B4GALNT2: variants seen among roughly 807,000 people sequenced by gnomAD.
The protein encoded by B4GALNT2 is N-acetylneuraminylgalactosylglucosyl-glucoside beta-1,4-N- acetylgalactosaminyltransferase 2.
In B4GALNT2, 42 loss-of-function variants were observed where a neutral mutation model predicts 51.1. That is an observed-to-expected ratio of 0.82 (90% CI 0.64 to 1.06). The LOEUF is 1.06. B4GALNT2 is among the 50% of genes least tolerant of loss of function. B4GALNT2 has a pLI of 0.00. For missense variants in B4GALNT2, 602 were observed against 633.6 expected (o/e 0.95, Z 0.54); for synonymous variants, 253 against 251.7 (o/e 1.01, Z -0.05).
intron 3 of B4GALNT2, among the ~76,000 whole-genome samples, chr17:49,150,215 G>A (rs866414211): frequency 2.8e-4 from 29 of 103,610 alleles, no homozygotes; most frequent in African/African-American, 9.9e-4. Context: ...TCAGCCCCCC[G>A]CCCGGCCAGC....
chr17:49,146,717 G>A (rs563386477), intron 3 of B4GALNT2, among the ~76,000 whole-genome samples: 1 of 152,302 alleles, frequency 6.6e-6, no homozygotes, highest in Non-Finnish European at 1.5e-5. Flanking sequence ...GGCTCCTTAA[G>A]GTGGGAATGT....
At chr17:49,166,276 C>T (rs1438999472) in intron 9 of B4GALNT2, 22 bp downstream of exon 9, 1 of 1,607,978 alleles carries the variant, frequency 6.2e-7, no homozygotes, top group Non-Finnish European at 8.5e-7. Context: ...TTGCCAGTTT[C>T]ACCCAGCCAC....
rs1407773572 is a variant in B4GALNT2, at chr17:49,170,713, G to A, written c.*985G>A. 4 of 152,220 alleles carry A rather than the reference G, an allele frequency of 2.6e-5. No homozygotes were observed. The highest frequency in any genetic ancestry group is 7.2e-5 in the African/African-American group (3 of 41,448). The allele number at this position is 152,220 out of a possible 1,614,324, so 9.4% of individuals were successfully genotyped here. Reference sequence around the variant, plus strand: ...TAGAGGAATTAAAGACACACACATAGAAATATAGAGTGTGGAGTGGGAAAT... The same window carrying A: ...TAGAGGAATTAAAGACACACACATAAAAATATAGAGTGTGGAGTGGGAAAT... On this transcript the variant is annotated 3_prime_UTR_variant, in exon 11 of 11. Transcript: ENST00000393354.
At chr17:49,163,555 A>G (rs1373536528) in intron 7 of B4GALNT2, among the ~76,000 whole-genome samples, 1 of 152,116 alleles carries the variant, frequency 6.6e-6, no homozygotes, top group African/African-American at 2.4e-5. Flanking sequence ...CAGGAGTTTG[A>G]GACCAGCCTG....
chr17:49,156,461 A>C, intron 4 of B4GALNT2, 105 bp from the exon 5 acceptor site: 2 of 1,227,804 alleles, frequency 1.6e-6, no homozygotes, highest in Non-Finnish European at 2.4e-6. Flanking sequence ...TGACACTTGA[A>C]GGAGCTCTCA....
At chr17:49,137,074 T>C (rs1412693600) in intron 1 of B4GALNT2, among the ~76,000 whole-genome samples, 2 of 152,022 alleles carry the variant, frequency 1.3e-5, no homozygotes, top group African/African-American at 4.8e-5. Context: ...CTTTTTTTTT[T>C]CCCCAAAGAG....
Position 49,150,294 on chromosome 17 carries a change from G to A in B4GALNT2, c.354-2506G>A, listed in dbSNP as rs1427890944. Among the ~76,000 whole-genome samples, 73 of 31,038 alleles carry A rather than the reference G, an allele frequency of 2.4e-3. 3 individuals are homozygous for A. The highest frequency in any genetic ancestry group is 3.6e-3 in the Non-Finnish European group (59 of 16,476). 20.4% of individuals were successfully genotyped at this position (31,038 alleles called of 152,430 possible). On this transcript the variant is annotated intron_variant, in intron 3 of 10. Coordinates refer to ENST00000393354, the MANE Select transcript of B4GALNT2 (RefSeq NM_001159387.2). ...GCCAGCCGCCCCGTCTGGGAGGGAG[G>A]TGGGGGGGGTCAGCCCCCCCCGCCT... is the stretch of plus-strand genomic sequence containing the variant.
the B4GALNT2 span, among the ~76,000 whole-genome samples, chr17:49,126,650 C>CT: frequency 1.2e-3 from 104 of 88,022 alleles, no homozygotes; most frequent in African/African-American, 2.1e-3. Context: ...TTCTTTCTTT[C>CT]TTTTTTTTTT....
At chr17:49,165,289 C>T (rs887111720) in intron 8 of B4GALNT2, among the ~76,000 whole-genome samples, 11 of 150,890 alleles carry the variant, frequency 7.3e-5, no homozygotes, top group Non-Finnish European at 1.6e-4. Flanking sequence ...TTCTCCTTGA[C>T]TCTCTCTCCC....
chr17:49,125,569 G>C, the B4GALNT2 span, among the ~76,000 whole-genome samples: 6 of 152,074 alleles, frequency 3.9e-5, no homozygotes, highest in African/African-American at 1.4e-4. Flanking sequence ...CCGCCATCCG[G>C]TCTGGGAGGT....
chr17:49,148,540 C>A, intron 3 of B4GALNT2: 1 of 379,772 alleles, frequency 2.6e-6, no homozygotes, highest in Non-Finnish European at 5.1e-6. Flanking sequence ...GTGGCAAGCA[C>A]AATCTCTGGG....
intron 7 of B4GALNT2, 64 bp from the exon 8 acceptor site, chr17:49,164,024 A>AG (rs2042887504): frequency 1.3e-6 from 2 of 1,484,964 alleles, no homozygotes; most frequent in African/African-American, 2.8e-5. Context: ...ATCAGATCAA[A>AG]GCAGGAAAAG....
chr17:49,157,645 A>G (rs759596474), intron 5 of B4GALNT2, among the ~76,000 whole-genome samples: 3 of 151,920 alleles, frequency 2.0e-5, no homozygotes, highest in Admixed American at 1.3e-4. Context: ...TATTTTTAGT[A>G]GAGTTGTGGT....
intron 3 of B4GALNT2, among the ~76,000 whole-genome samples, chr17:49,151,960 G>A (rs1019597440): frequency 2.0e-5 from 3 of 152,106 alleles, no homozygotes; most frequent in Admixed American, 6.6e-5. Context: ...ATTGTCAATC[G>A]CTTTTATCCT....
At chr17:49,158,636 C>CAA (rs770885158) in intron 5 of B4GALNT2, among the ~76,000 whole-genome samples, 1,020 of 73,456 alleles carry the variant, frequency 0.014, 32 homozygotes, top group African/African-American at 0.032. Flanking sequence ...GACTCCATCT[C>CAA]AAAAAAAAAA....
At chr17:49,152,076 A>T (rs9898844) in intron 3 of B4GALNT2, among the ~76,000 whole-genome samples, 4,915 of 151,644 alleles carry the variant, frequency 0.032, 256 homozygotes, top group African/African-American at 0.11. Flanking sequence ...GGTTTTTTTT[A>T]AAAAAAATAT....
At chr17:49,149,676 G>T (rs2042730853) in intron 3 of B4GALNT2, among the ~76,000 whole-genome samples, 1 of 152,128 alleles carries the variant, frequency 6.6e-6, no homozygotes, top group Non-Finnish European at 1.5e-5. Flanking sequence ...CACGTATAAG[G>T]ATGTTCATTT....
At chr17:49,151,459 T>G (rs2042752772) in intron 3 of B4GALNT2, among the ~76,000 whole-genome samples, 1 of 151,862 alleles carries the variant, frequency 6.6e-6, no homozygotes, top group Non-Finnish European at 1.5e-5. Context: ...GACTAAAGAT[T>G]GTTATTGGCC....
upstream of B4GALNT2, among the ~76,000 whole-genome samples, chr17:49,129,478 A>G (rs1043200768): frequency 1.3e-5 from 2 of 152,228 alleles, no homozygotes; most frequent in African/African-American, 4.8e-5. Flanking sequence ...CCTTGGTTGC[A>G]AGAGAGCCTC....
Sources: gnomAD v4.1 joint callset for allele counts (sites outside exome capture counted in the v4.1 genomes callset) on GRCh38, gnomAD v4.1.1 for gene constraint, MANE v1.5 for transcripts, NCBI Gene and HGNC (gene_info 2026-07-23, HGNC 2026-07-21) for gene names.